The following ASAP2 variants were observed in gnomAD, a reference collection of about 807,000 sequenced individuals.
The protein encoded by ASAP2 is ArfGAP with SH3 domain, ankyrin repeat and PH domain 2, also known as arf-GAP with SH3 domain, ANK repeat and PH domain-containing protein 2.
A neutral mutation model predicts 131.4 loss-of-function variants in ASAP2; 45 were observed. That is an observed-to-expected ratio of 0.34 (90% CI 0.27 to 0.44). The LOEUF is 0.44. Ranked by LOEUF, ASAP2 falls within the 20% of genes least tolerant of loss-of-function variation. The probability of loss-of-function intolerance (pLI) is 1.00; values close to 1 mark genes in which losing one functional copy is unlikely to be tolerated. For missense variants in ASAP2, 1,011 were observed against 1,297.0 expected, an observed-to-expected ratio of 0.78 and a Z score of 3.39; for synonymous variants, 510 against 503.0, an observed-to-expected ratio of 1.01 and a Z score of -0.19.
intron 1 of ASAP2, among the ~76,000 whole-genome samples, chr2:9,230,026 C>G (rs1236816096): frequency 6.6e-6 from 1 of 152,162 alleles, no homozygotes; most frequent in Non-Finnish European, 1.5e-5. Flanking sequence ...TTGAGAACAG[C>G]TTCATGAATT....
chr2:9,218,388 A>G (rs1301316735), intron 1 of ASAP2, among the ~76,000 whole-genome samples: 1 of 152,250 alleles, frequency 6.6e-6, no homozygotes, highest in Non-Finnish European at 1.5e-5. Flanking sequence ...TGAGGGGCCA[A>G]GAACACTGTC....
intron 1 of ASAP2, among the ~76,000 whole-genome samples, chr2:9,225,570 G>A (rs1344689523): frequency 6.6e-6 from 1 of 152,198 alleles, no homozygotes; most frequent in Non-Finnish European, 1.5e-5. Flanking sequence ...GGAGGGCTGA[G>A]CATGTCAGTT....
intron 24 of ASAP2, among the ~76,000 whole-genome samples, chr2:9,397,035 C>T (rs1676200381): frequency 1.3e-5 from 2 of 152,142 alleles, no homozygotes; most frequent in African/African-American, 4.8e-5. Context: ...ATATCTGTGC[C>T]CTCCTAGTCT....
At chr2:9,386,989 G>A (rs546398798) in intron 21 of ASAP2, among the ~76,000 whole-genome samples, 1 of 151,758 alleles carries the variant, frequency 6.6e-6, no homozygotes, top group East Asian at 1.9e-4. Flanking sequence ...CGGATCACGA[G>A]GTCAGGAGAT....
At chr2:9,239,808 C>G (rs899645617) in intron 1 of ASAP2, among the ~76,000 whole-genome samples, 3 of 152,176 alleles carry the variant, frequency 2.0e-5, no homozygotes, top group African/African-American at 7.2e-5. Flanking sequence ...TCACTGCAGC[C>G]TTGGCCTTTC....
At position 9,264,998 on chromosome 2, in the gene ASAP2, T is replaced by C. The variant is rs552904129; in HGVS notation, c.127-14319T>C. ...AAAAAATTTGAAAATTAGCCGGGTG[T>C]GGTGGCATGTGCCTGTGCTCCCAGC... On this transcript the variant is annotated intron_variant, in intron 1 of 27. Coordinates refer to ENST00000281419, the MANE Select transcript of ASAP2 (RefSeq NM_003887.3). Among the ~76,000 whole-genome samples the C allele has an allele frequency of 1.9e-3, 286 of 152,116 alleles. 2 individuals are homozygous for C. Among genetic ancestry groups the C allele is most frequent in the African/African-American group, 6.5e-3 (270 of 41,478 alleles).
chr2:9,334,609 G>C, intron 7 of ASAP2, 129 bp from the exon 8 acceptor site: 4 of 740,634 alleles, frequency 5.4e-6, no homozygotes, highest in Non-Finnish European at 8.8e-6. Context: ...TTAAGGTTCT[G>C]TTCATACAGT....
At chr2:9,374,025 T>C (rs1358552018) in intron 16 of ASAP2, among the ~76,000 whole-genome samples, 1 of 152,222 alleles carries the variant, frequency 6.6e-6, no homozygotes, top group African/African-American at 2.4e-5. Flanking sequence ...AAGTCAGACT[T>C]ACAAGTCTAG....
chr2:9,390,689 G>A (rs1167454969), intron 22 of ASAP2, among the ~76,000 whole-genome samples: 2 of 152,192 alleles, frequency 1.3e-5, no homozygotes, highest in African/African-American at 2.4e-5. Context: ...GGAAGGAGTC[G>A]GTGGGAGGGT....
At chr2:9,357,176 T>TA (rs563300721) in intron 14 of ASAP2, among the ~76,000 whole-genome samples, 15,390 of 141,958 alleles carry the variant, frequency 0.11, 2,043 homozygotes, top group African/African-American at 0.32. Context: ...TTGGATCCAT[T>TA]AAAAAAAAAA....
At chr2:9,339,334 C>T (rs1671428740) in intron 9 of ASAP2, among the ~76,000 whole-genome samples, 1 of 152,000 alleles carries the variant, frequency 6.6e-6, no homozygotes, top group Non-Finnish European at 1.5e-5. Flanking sequence ...AATCCTGGGT[C>T]TCCCACTTCC....
At chr2:9,358,540 A>C (rs1672864151) in intron 14 of ASAP2, among the ~76,000 whole-genome samples, 1 of 151,950 alleles carries the variant, frequency 6.6e-6, no homozygotes, top group South Asian at 2.1e-4. Context: ...GGATGGGGAG[A>C]TGGAGAGAGA....
intron 15 of ASAP2, among the ~76,000 whole-genome samples, chr2:9,367,622 G>C (rs377301065): frequency 2.0e-5 from 3 of 152,054 alleles, no homozygotes; most frequent in Non-Finnish European, 2.9e-5. Context: ...TCAGCTGGGC[G>C]TGGTGGCGTG....
Position 9,397,552 on chromosome 2 carries a change from G to A in ASAP2, c.2685-2471G>A, listed in dbSNP as rs188699563. On this transcript the variant is annotated intron_variant, in intron 24 of 27. Coordinates refer to ENST00000281419, the MANE Select transcript of ASAP2 (RefSeq NM_003887.3). ...AGGATGCTATCCCTTCCCCACCACCGGTGATTTTGTCTCTGGGATAAATGT... is the reference window on the plus strand; with the variant it reads ...AGGATGCTATCCCTTCCCCACCACCAGTGATTTTGTCTCTGGGATAAATGT... 4.0e-5 allele frequency among the ~76,000 whole-genome samples: 6 copies of A among 151,662 alleles called. No homozygotes were observed. In the East Asian group the frequency reaches 7.8e-4, roughly 20 times the overall value.
At chr2:9,386,580 C>T (rs1675278232) in intron 21 of ASAP2, among the ~76,000 whole-genome samples, 1 of 152,198 alleles carries the variant, frequency 6.6e-6, no homozygotes. Context: ...CAGCCGTGGG[C>T]TTTGCAATTT....
intron 1 of ASAP2, among the ~76,000 whole-genome samples, chr2:9,219,663 ATTG>A (rs1473900877): frequency 6.6e-6 from 1 of 152,146 alleles, no homozygotes; most frequent in Admixed American, 6.5e-5. Context: ...CTTATTTCTT[ATTG>A]TTGTTGCTTT....
intron 2 of ASAP2, among the ~76,000 whole-genome samples, chr2:9,296,437 C>T (rs1479518113): frequency 1.3e-5 from 2 of 152,180 alleles, no homozygotes; most frequent in East Asian, 1.9e-4. Context: ...GATTGAGAAC[C>T]ACTGTGCCAG....
In ASAP2 at chr2:9,277,077, G is replaced by A. The variant is rs546298687; in HGVS notation, c.127-2240G>A. Reference sequence around the variant, plus strand: ...AGCCTGGAGCCGGCCCAGATTCTGCGAGAGTGCTAGGCTGCACGGTCACAG... The same window carrying A: ...AGCCTGGAGCCGGCCCAGATTCTGCAAGAGTGCTAGGCTGCACGGTCACAG... On this transcript the variant is annotated intron_variant, in intron 1 of 27. Coordinates refer to ENST00000281419, the MANE Select transcript of ASAP2 (RefSeq NM_003887.3). 2.0e-5 allele frequency among the ~76,000 whole-genome samples: 3 copies of A among 152,346 alleles called. No homozygotes were observed. The East Asian group carries it at 5.8e-4, about 29-fold the overall frequency.
intron 20 of ASAP2, among the ~76,000 whole-genome samples, chr2:9,381,998 T>G (rs1272639675): frequency 2.0e-5 from 3 of 149,762 alleles, no homozygotes; most frequent in South Asian, 4.3e-4. Flanking sequence ...TTTTTTTTTT[T>G]TTTGAGATGG....
Sources: gnomAD v4.1 joint callset for allele counts (sites outside exome capture counted in the v4.1 genomes callset) on GRCh38, gnomAD v4.1.1 for gene constraint, MANE v1.5 for transcripts, NCBI Gene and HGNC (gene_info 2026-07-23, HGNC 2026-07-21) for gene names.